Variants in JSRP1 observed in about 807,000 individuals in gnomAD.
JSRP1 encodes the protein 2310032K21Rik.
A neutral mutation model predicts 21.4 loss-of-function variants in JSRP1; 29 were observed. The ratio of observed to expected loss-of-function variants is 1.36; its 90% CI spans 1.01 to 1.85. JSRP1 has a LOEUF of 1.85. Among genes scored for constraint, JSRP1 ranks in the 40% most tolerant of loss-of-function variants. JSRP1 has a pLI of 0.00. For missense variants in JSRP1, 531 were observed against 461.5 expected (o/e 1.15, Z -1.38); for synonymous variants, 221 against 206.1 (o/e 1.07, Z -0.62).
Position 2,252,694 on chromosome 19 carries a change from C to T in JSRP1, c.631G>A (p.Asp211Asn). Reference sequence around the variant, plus strand: ...GTGGCCTCGCCGGGCTCCTCTTCGTCGTTCTCTGCAGCCTCCCGACTCCCG... The same window carrying T: ...GTGGCCTCGCCGGGCTCCTCTTCGTTGTTCTCTGCAGCCTCCCGACTCCCG... ...IPGSREAAENDEEEPGEATGE... is the reference protein window; with the variant it reads ...IPGSREAAENNEEEPGEATGE... Residue 211 changes from aspartate (D) to asparagine (N), a missense_variant, in exon 7 of 7, where the codon GAC becomes AAC. Coordinates refer to ENST00000300961, the MANE Select transcript of JSRP1 (RefSeq NM_144616.4). 1 of 1,612,362 alleles carries T rather than the reference C, an allele frequency of 6.2e-7. No homozygotes were observed. The highest frequency in any genetic ancestry group is 1.3e-5 in the African/African-American group (1 of 75,052).
rs2025105989 is a variant in JSRP1 at position 2,253,792 on chromosome 19, G to A, written c.264C>T (p.Ser88=). The part of the protein sequence containing the change: ...TGKERLKAGA[S]PRSVPARKKA... Reference sequence around the variant, plus strand: ...TCTTGCGCGCGGGGACGCTCCGAGGGCCTGCGGGGGCAAGTGCGCGCTGCG... The same window carrying A: ...TCTTGCGCGCGGGGACGCTCCGAGGACCTGCGGGGGCAAGTGCGCGCTGCG... Residue 88 remains serine, a splice_region_variant and synonymous_variant, in exon 5 of 7, where the codon AGC becomes AGT. Coordinates refer to ENST00000300961, the MANE Select transcript of JSRP1 (RefSeq NM_144616.4). 6.5e-6 allele frequency: 9 copies of A among 1,388,370 alleles called. No individual in the cohort carries two copies. The highest frequency in any genetic ancestry group is 8.3e-6 in the Non-Finnish European group (9 of 1,083,280). The allele number at this position is 1,388,370 out of a possible 1,614,324, so 86.0% of individuals were successfully genotyped here.
At chr19:2,255,438 C>A in intron 1 of JSRP1, 94 bp from the exon 2 acceptor site, 1 of 571,104 alleles carries the variant, frequency 1.8e-6, no homozygotes. Context: ...AACTAACAGG[C>A]CCCGTCCTCC....
Position 2,252,657 on chromosome 19 carries a change from A to G in JSRP1, c.668T>C (p.Val223Ala), listed in dbSNP as rs1187016813. ...EEPGEATGEA[V>A]REDRVTLADR... ...TGCGAGGGTCACACGGTCCTCCCGG[A>G]CGGCCTCTCCGGTGGCCTCGCCGGG... Residue 223 changes from valine (V) to alanine (A), a missense_variant, in exon 7 of 7, where the codon GTC (valine) becomes GCC (alanine). Physicochemically the swap from Val to Ala is moderately conservative, Grantham distance 64 (BLOSUM62 0). Coordinates refer to ENST00000300961, the MANE Select transcript of JSRP1 (RefSeq NM_144616.4). 6.2e-7 allele frequency: 1 copy of G among 1,611,854 alleles called. No individual in the cohort carries two copies.
chr19:2,254,645 G>A (rs1159353719), intron 2 of JSRP1, among the ~76,000 whole-genome samples, 163 bp from the exon 3 acceptor site: 1 of 151,858 alleles, frequency 6.6e-6, no homozygotes, highest in African/African-American at 2.4e-5. Context: ...CAGCATTTTG[G>A]GGAGACTGAG....
At chr19:2,254,120 C>T in intron 4 of JSRP1, 67 bp downstream of exon 4, 1 of 1,252,346 alleles carries the variant, frequency 8.0e-7, no homozygotes, top group Non-Finnish European at 1.1e-6. Context: ...GGACCCAGCT[C>T]CGGCACCTGA....
intron 2 of JSRP1, 86 bp downstream of exon 2, chr19:2,255,120 A>G: frequency 1.2e-6 from 1 of 851,828 alleles, no homozygotes; most frequent in Non-Finnish European, 1.8e-6. Flanking sequence ...GTGGGAGGCT[A>G]AGAAGCTCTA....
chr19:2,252,776 C>T lies in JSRP1; in HGVS notation c.549G>A (p.Ala183=), dbSNP rs1331831050. Residue 183 remains alanine (A), a synonymous_variant, in exon 7 of 7, where the codon GCG becomes GCA. Coordinates refer to ENST00000300961, the MANE Select transcript of JSRP1 (RefSeq NM_144616.4). ...GGGGCGCAGGCGGCGCTGATGGAGGCGCCTGGGCCTCGAACTTAGGCTGCA... is the reference window on the plus strand; with the variant it reads ...GGGGCGCAGGCGGCGCTGATGGAGGTGCCTGGGCCTCGAACTTAGGCTGCA... ...SSPLPKFEAQ[A]PPSAPPAPRA... 3.7e-6 allele frequency: 6 copies of T among 1,611,684 alleles called. No individual in the cohort carries two copies. Among genetic ancestry groups the T allele is most frequent in the Non-Finnish European group, 4.2e-6 (5 of 1,179,584 alleles).
At position 2,252,338 on chromosome 19, in the gene JSRP1, C is replaced by T; in HGVS notation, c.987G>A (p.Gly329=). ...GSRQKLRAGK[G]RD ...CCGGCGCGGGGCCGGCTCAGTCCCG[C>T]CCCTTGCCTGCGCGGAGCTTCTGGC... is the stretch of plus-strand genomic sequence containing the variant. Residue 329 remains glycine (G), a synonymous_variant, in exon 7 of 7, where the codon GGG becomes GGA. Transcript: ENST00000300961. 6.6e-7 allele frequency: 1 copy of T among 1,512,678 alleles called. No individual in the cohort carries two copies. The highest frequency in any genetic ancestry group is 8.8e-7 in the Non-Finnish European group (1 of 1,134,498). 93.7% of individuals were successfully genotyped at this position (1,512,678 alleles called of 1,614,324 possible).
At position 2,253,613 on chromosome 19, in the gene JSRP1, CG is replaced by C. The variant is rs2145037415; in HGVS notation, c.436+6del. 6.8e-7 allele frequency: 1 copy of C among 1,463,740 alleles called. No homozygotes were observed. The highest frequency in any genetic ancestry group is 2.9e-5 in the East Asian group (1 of 34,978). 90.7% of individuals were successfully genotyped at this position (1,463,740 alleles called of 1,614,324 possible). Reference sequence around the variant, plus strand: ...CCTCGCCCCACCTCTGGGGAGCCTGCGCTCACCGCGGCACAGCTGGAAAGCC... The same window carrying C: ...CCTCGCCCCACCTCTGGGGAGCCTGCCTCACCGCGGCACAGCTGGAAAGCC... On this transcript the variant is annotated splice_donor_region_variant and intron_variant, in intron 5 of 6. Coordinates refer to ENST00000300961, the MANE Select transcript of JSRP1 (RefSeq NM_144616.4).
At position 2,252,347 on chromosome 19, in the gene JSRP1, T is replaced by A; in HGVS notation, c.978A>T (p.Ala326=). 1 of 1,527,872 alleles carries A rather than the reference T, an allele frequency of 6.5e-7. No homozygotes were observed. The highest frequency in any genetic ancestry group is 8.8e-7 in the Non-Finnish European group (1 of 1,141,520). 94.6% of individuals were successfully genotyped at this position (1,527,872 alleles called of 1,614,324 possible). A position where few individuals can be genotyped will look rare whatever the true frequency, so the allele number is the denominator to read the frequency against. The change falls in exon 7 of 7, where the codon GCA becomes GCT. Residue 326 remains alanine, a synonymous_variant. Transcript: ENST00000300961. The stretch of plus-strand genomic sequence containing the variant: ...GGCCGGCTCAGTCCCGCCCCTTGCC[T>A]GCGCGGAGCTTCTGGCGACTCCCAG... ...QRPGSRQKLR[A]GKGRD
At chr19:2,254,711 A>G (rs1266362216) in intron 2 of JSRP1, among the ~76,000 whole-genome samples, 2 of 140,568 alleles carry the variant, frequency 1.4e-5, no homozygotes, top group Non-Finnish European at 3.0e-5. Context: ...ACATAGTGAG[A>G]CCCCATCTCT....
chr19:2,252,416 C>A lies in JSRP1; in HGVS notation c.909G>T (p.Lys303Asn), dbSNP rs371559853. 3.3e-5 allele frequency: 53 copies of A among 1,608,432 alleles called. No homozygotes were observed. The highest frequency in any genetic ancestry group is 4.4e-5 in the Non-Finnish European group (52 of 1,179,122). ...GACGCCTCGGGGACACCCAGGCCTG[C>A]TTCTTCCTGGGCTCGGCGTCCCTGG... is the stretch of plus-strand genomic sequence containing the variant. Reference protein sequence around the residue: ...RDSRDAEPRKKQAWVSPRRPD... With the variant: ...RDSRDAEPRKNQAWVSPRRPD... The change falls in exon 7 of 7, where the codon AAG (lysine) becomes AAT (asparagine). Residue 303 changes from lysine (K) to asparagine (N), a missense_variant. By Grantham distance (94) the Lys-to-Asn change is moderately conservative. Transcript: ENST00000300961.
Position 2,255,280 on chromosome 19 carries a change from T to A in JSRP1, c.35A>T (p.Asp12Val). ...SMTTRAWEELDGGLGSCQALE... is the reference protein window; with the variant it reads ...SMTTRAWEELVGGLGSCQALE... Reference sequence around the variant, plus strand: ...GGCCTGGCAGCTGCCCAGGCCGCCATCCAGCTCCTCCCAGGCTCTGGTTGT... The same window carrying A: ...GGCCTGGCAGCTGCCCAGGCCGCCAACCAGCTCCTCCCAGGCTCTGGTTGT... The change falls in exon 2 of 7, where the codon GAT becomes GTT. Residue 12 changes from aspartate (D) to valine (V), a missense_variant. Transcript: ENST00000300961. 1 of 1,611,214 alleles carries A rather than the reference T, an allele frequency of 6.2e-7. No individual in the cohort carries two copies. Among genetic ancestry groups the A allele is most frequent in the Non-Finnish European group, 8.5e-7 (1 of 1,178,980 alleles).
chr19:2,254,337 C>A, intron 3 of JSRP1, 36 bp from the exon 4 acceptor site: 1 of 1,595,680 alleles, frequency 6.3e-7, no homozygotes, highest in Non-Finnish European at 8.6e-7. Flanking sequence ...ATGTTTCCTT[C>A]CAGTGCCAAA....
At position 2,252,419 on chromosome 19, in the gene JSRP1, C is replaced by T. The variant is rs768222355; in HGVS notation, c.906G>A (p.Lys302=). ...ARDSRDAEPR[K]KQAWVSPRRP... Reference sequence around the variant, plus strand: ...GCCTCGGGGACACCCAGGCCTGCTTCTTCCTGGGCTCGGCGTCCCTGGAGT... The same window carrying T: ...GCCTCGGGGACACCCAGGCCTGCTTTTTCCTGGGCTCGGCGTCCCTGGAGT... The change falls in exon 7 of 7, where the codon AAG becomes AAA. Residue 302 remains lysine, a synonymous_variant. Coordinates refer to ENST00000300961, the MANE Select transcript of JSRP1 (RefSeq NM_144616.4). 2.5e-6 allele frequency: 4 copies of T among 1,608,848 alleles called. No individual in the cohort carries two copies. The South Asian group carries it at 3.3e-5, about 13-fold the overall frequency.
At chr19:2,253,068 C>T in intron 5 of JSRP1, 65 bp from the exon 6 acceptor site, 2 of 1,144,534 alleles carry the variant, frequency 1.7e-6, no homozygotes, top group Non-Finnish European at 2.6e-6. Context: ...GTCCATCCCT[C>T]CCTCACCCCT....
At chr19:2,256,025 C>T (rs1223873034) in intron 1 of JSRP1, among the ~76,000 whole-genome samples, 1 of 152,216 alleles carries the variant, frequency 6.6e-6, no homozygotes, top group African/African-American at 2.4e-5. Flanking sequence ...ATGAGGAAAC[C>T]GAGGCTAGAG....
At chr19:2,254,343 C>G (rs1000225866) in intron 3 of JSRP1, 42 bp from the exon 4 acceptor site, 18 of 1,598,456 alleles carry the variant, frequency 1.1e-5, no homozygotes, top group Non-Finnish European at 1.5e-5. Flanking sequence ...CCTTCCAGTG[C>G]CAAACCCTTC....
Position 2,252,714 on chromosome 19 carries a change from C to G in JSRP1, c.611G>C (p.Ser204Thr). The G allele has an allele frequency of 6.2e-7, 1 of 1,612,548 alleles. No individual in the cohort carries two copies. The change falls in exon 7 of 7, where the codon AGT (serine) becomes ACT (threonine). Residue 204 changes from serine to threonine, a missense_variant. Physicochemically the swap from Ser to Thr is moderately conservative, Grantham distance 58 (BLOSUM62 1). Transcript: ENST00000300961. ...TTCGTCGTTCTCTGCAGCCTCCCGA[C>G]TCCCGGGAATCTTGGGTCTGACCTC... is the stretch of plus-strand genomic sequence containing the variant. ...EAEVRPKIPG[S>T]REAAENDEEE...
Sources: allele counts gnomAD v4.1 joint callset (sites outside exome capture counted in the v4.1 genomes callset), GRCh38; gene constraint gnomAD v4.1.1; transcripts MANE v1.5; gene names NCBI Gene and HGNC (gene_info 2026-07-23, HGNC 2026-07-21).